Variants in STYXL1 observed in about 807,000 individuals in gnomAD.
STYXL1 encodes the protein serine/threonine/tyrosine interacting like 1, also known as serine/threonine/tyrosine-interacting-like protein 1.
A neutral mutation model predicts 36.4 loss-of-function variants in STYXL1; 32 were observed. The ratio of observed to expected loss-of-function variants is 0.88; its 90% confidence interval spans 0.66 to 1.18. The LOEUF is 1.18. Ranked by LOEUF, STYXL1 falls within the 50% of genes most tolerant of loss-of-function variation. The probability of loss-of-function intolerance (pLI) is 0.00; values close to 1 mark genes in which losing one functional copy is unlikely to be tolerated. For missense variants in STYXL1, 354 were observed against 394.1 expected (o/e 0.90, Z 0.86); for synonymous variants, 133 against 144.1 (o/e 0.92, Z 0.55).
intron 1 of STYXL1, among the ~76,000 whole-genome samples, chr7:76,034,862 A>T (rs1004567731): frequency 1.2e-4 from 18 of 152,222 alleles, no homozygotes; most frequent in Non-Finnish European, 2.5e-4. Context: ...AGTCACAGTG[A>T]TTCATCCAGT....
At chr7:76,025,661 G>A (rs1261297033) in intron 3 of STYXL1, among the ~76,000 whole-genome samples, 1 of 152,048 alleles carries the variant, frequency 6.6e-6, no homozygotes, top group Non-Finnish European at 1.5e-5. Flanking sequence ...GTGGTGGCGG[G>A]TGCCTGTAAC....
At chr7:76,008,091 C>T (rs1049569616) in intron 5 of STYXL1, among the ~76,000 whole-genome samples, 2 of 147,758 alleles carry the variant, frequency 1.4e-5, no homozygotes, top group South Asian at 2.2e-4. Context: ...CCCAGCTACT[C>T]GGGAGGCTGG....
In STYXL1 at chr7:76,001,006, CAA is replaced by C. The variant is rs781967944; in HGVS notation, c.698-6_698-5del. The stretch of plus-strand genomic sequence containing the variant: ...GAGCCAAGGTGATGGTGAATTTCTG[CAA>C]AAAGAAGTGGGGGGTTGGGTCATGC... On this transcript the variant is annotated splice_region_variant and splice_polypyrimidine_tract_variant and intron_variant, in intron 7 of 8. Coordinates refer to ENST00000359697, the MANE Select transcript of STYXL1 (RefSeq NM_001317785.2). 1.2e-6 allele frequency: 2 copies of C among 1,612,356 alleles called. No individual in the cohort carries two copies. Among genetic ancestry groups the C allele is most frequent in the East Asian group, 4.5e-5 (2 of 44,874 alleles).
chr7:76,022,885 C>A (rs1381639207), intron 3 of STYXL1, among the ~76,000 whole-genome samples: 1 of 151,716 alleles, frequency 6.6e-6, no homozygotes, highest in Non-Finnish European at 1.5e-5. Context: ...TATGATTGCA[C>A]CACTGCACTC....
chr7:76,015,512 T>C (rs1237775477), intron 4 of STYXL1, among the ~76,000 whole-genome samples: 1 of 152,074 alleles, frequency 6.6e-6, no homozygotes, highest in South Asian at 2.1e-4. Flanking sequence ...AAACAAAAAT[T>C]GACAAGTGGG....
Position 76,046,274 on chromosome 7 carries a change from C to CTT in STYXL1, c.-5+1387_-5+1388insAA, listed in dbSNP as rs1451331977. The stretch of plus-strand genomic sequence containing the variant: ...CTTCCAGCATGTCTCAGCTTATCTG[C>CTT]TGTGTGTGTGTGTGTGTGTGTGTGT... On this transcript the variant is annotated intron_variant, in intron 1 of 8. Coordinates refer to ENST00000359697, the MANE Select transcript of STYXL1 (RefSeq NM_001317785.2). Among the ~76,000 whole-genome samples, 306 of 103,040 alleles carry CTT rather than the reference C, an allele frequency of 3.0e-3. 7 individuals are homozygous for CTT. The highest frequency in any genetic ancestry group is 6.7e-3 in the East Asian group (22 of 3,298). The allele number at this position is 103,040 out of a possible 152,430, so 67.6% of individuals were successfully genotyped here. A position where few individuals can be genotyped will look rare whatever the true frequency, so the allele number is the denominator to read the frequency against.
intron 4 of STYXL1, among the ~76,000 whole-genome samples, chr7:76,021,360 C>T (rs1411190518): frequency 4.6e-5 from 7 of 152,206 alleles, no homozygotes; most frequent in African/African-American, 1.7e-4. Context: ...GGATTACAGG[C>T]ATGAGCCACC....
chr7:76,013,678 A>C (rs1792888072), intron 5 of STYXL1, 64 bp downstream of exon 5: 2 of 1,608,602 alleles, frequency 1.2e-6, no homozygotes, highest in African/African-American at 1.3e-5. Flanking sequence ...TCAGTCACCC[A>C]CAAGTCAGTT....
chr7:76,032,531 G>A (rs782022757), intron 1 of STYXL1, among the ~76,000 whole-genome samples: 7 of 151,634 alleles, frequency 4.6e-5, no homozygotes, highest in South Asian at 2.1e-4. Context: ...GCAAAACTCC[G>A]TCTCTACTAA....
At chr7:76,022,289 G>A (rs1013975211) in intron 3 of STYXL1, among the ~76,000 whole-genome samples, 4 of 152,178 alleles carry the variant, frequency 2.6e-5, no homozygotes, top group African/African-American at 9.6e-5. Flanking sequence ...AGGTACCCTG[G>A]TGTCAGAGAA....
chr7:76,000,218 C>CAAAAAAAAAA (rs35153306), intron 8 of STYXL1, among the ~76,000 whole-genome samples: 1 of 69,464 alleles, frequency 1.4e-5, no homozygotes, highest in African/African-American at 5.5e-5. Context: ...GACTCCATCT[C>CAAAAAAAAAA]AAAAAAAAAA....
At chr7:75,999,350 C>T (rs1254440901) in intron 8 of STYXL1, among the ~76,000 whole-genome samples, 1 of 151,830 alleles carries the variant, frequency 6.6e-6, no homozygotes, top group African/African-American at 2.4e-5. Context: ...TCCCACGGGG[C>T]GATGAAGAGG....
At chr7:76,045,274 T>C (rs1406139651) in intron 1 of STYXL1, 2 of 148,402 alleles carry the variant, frequency 1.3e-5, no homozygotes, top group Admixed American at 1.4e-4. Context: ...ACCTTTGTCA[T>C]CCATAAAATA....
At chr7:75,999,594 C>T (rs142667971) in intron 8 of STYXL1, among the ~76,000 whole-genome samples, 52 of 151,076 alleles carry the variant, frequency 3.4e-4, no homozygotes, top group African/African-American at 1.3e-3. Flanking sequence ...GTCACCCAGG[C>T]TGGAGTACAA....
At chr7:76,020,147 C>T (rs1793888706) in intron 4 of STYXL1, among the ~76,000 whole-genome samples, 1 of 152,126 alleles carries the variant, frequency 6.6e-6, no homozygotes, top group Non-Finnish European at 1.5e-5. Context: ...TGTTGAGTAC[C>T]ATCTCCTAGG....
intron 8 of STYXL1, among the ~76,000 whole-genome samples, chr7:75,997,422 A>G (rs1403323669): frequency 1.3e-5 from 2 of 152,164 alleles, no homozygotes; most frequent in East Asian, 3.9e-4. Flanking sequence ...TGACAGAGCA[A>G]GACTCTGTCT....
chr7:76,021,226 C>G (rs1013385343), intron 4 of STYXL1, among the ~76,000 whole-genome samples: 10 of 152,016 alleles, frequency 6.6e-5, no homozygotes, highest in Non-Finnish European at 1.2e-4. Flanking sequence ...GGACTACAGG[C>G]GCCTGCCACC....
chr7:76,028,893 G>A (rs1554578494), intron 2 of STYXL1, among the ~76,000 whole-genome samples, 190 bp from the exon 3 acceptor site: 1 of 152,094 alleles, frequency 6.6e-6, no homozygotes, highest in Non-Finnish European at 1.5e-5. Flanking sequence ...GGAAGGCCGA[G>A]GCAGGTGGAT....
chr7:76,010,771 C>T (rs1792455646), intron 5 of STYXL1, among the ~76,000 whole-genome samples: 1 of 152,152 alleles, frequency 6.6e-6, no homozygotes, highest in African/African-American at 2.4e-5. Flanking sequence ...CCCATCCCTC[C>T]CTACTTTGAG....
Sources: allele counts gnomAD v4.1 joint callset (sites outside exome capture counted in the v4.1 genomes callset), GRCh38; gene constraint gnomAD v4.1.1; transcripts MANE v1.5; gene names NCBI Gene and HGNC (gene_info 2026-07-23, HGNC 2026-07-21).